Variants in NSD1 observed in about 807,000 individuals in gnomAD.
NSD1 encodes the protein nuclear receptor binding SET domain protein 1.
A neutral mutation model predicts 242.7 loss-of-function variants in NSD1; 26 were observed. The ratio of observed to expected loss-of-function variants is 0.11; its 90% CI spans 0.08 to 0.15. The LOEUF is 0.15. NSD1 is among the 10% of genes least tolerant of loss of function. The pLI is 1.00. For synonymous variants in NSD1, 1,106 were observed against 1,178.1 expected, an observed-to-expected ratio of 0.94 and a Z score of 1.25; for missense variants, 2,495 against 3,272.8, an observed-to-expected ratio of 0.76 and a Z score of 5.80.
intron 2 of NSD1, among the ~76,000 whole-genome samples, chr5:177,156,596 G>T (rs916721479): frequency 6.6e-6 from 1 of 152,114 alleles, no homozygotes; most frequent in Admixed American, 6.6e-5. Flanking sequence ...CAAGTGGATT[G>T]CTTGAGCCCA....
intron 5 of NSD1, among the ~76,000 whole-genome samples, chr5:177,216,867 A>G (rs1236256349): frequency 5.3e-5 from 8 of 151,428 alleles, no homozygotes; most frequent in Admixed American, 4.6e-4. Flanking sequence ...TTACATGTCT[A>G]TATTTTTATG....
intron 2 of NSD1, among the ~76,000 whole-genome samples, chr5:177,164,849 A>C (rs985935335): frequency 2.6e-5 from 4 of 151,940 alleles, no homozygotes; most frequent in Non-Finnish European, 5.9e-5. Flanking sequence ...AAGCTGAGGC[A>C]GGAGAATCGC....
intron 22 of NSD1, 29 bp from the exon 23 acceptor site, chr5:177,293,803 A>G: frequency 6.2e-7 from 1 of 1,612,552 alleles, no homozygotes; most frequent in Non-Finnish European, 8.5e-7. Context: ...CTTTTTTCCT[A>G]AACTTTTGAT....
chr5:177,211,173 A>G lies in NSD1; in HGVS notation c.2774A>G (p.Gln925Arg). ...KDMHDSKTKE[Q>R]RLMTAQNLVS... ...ATGCATGATAGTAAGACGAAGGAGC[A>G]GCGGTTGATGACTGCTCAAAACCTG... is the stretch of plus-strand genomic sequence containing the variant. Residue 925 changes from glutamine (Q) to arginine (R), a missense_variant, in exon 5 of 23, where the codon CAG (glutamine) becomes CGG (arginine). By Grantham distance (43) the Gln-to-Arg change is conservative (BLOSUM62 1). This residue lies in a region of NSD1 where 121 missense variants were observed against 167.2 expected (regional missense o/e 0.72). Coordinates refer to ENST00000439151, the MANE Select transcript of NSD1 (RefSeq NM_022455.5). 2.5e-6 allele frequency: 4 copies of G among 1,614,206 alleles called. No individual in the cohort carries two copies. Among genetic ancestry groups the G allele is most frequent in the Non-Finnish European group, 3.4e-6 (4 of 1,180,020 alleles).
rs1491474648 is a variant in NSD1, at chr5:177,300,058, C to CCCCA, written c.*4602_*4603insACCC. ...GGTCCATCATTGCTTTTTTGCCGCGCCCCCCCCCCCCCGCCCCCATAGATT... is the reference window on the plus strand; with the variant it reads ...GGTCCATCATTGCTTTTTTGCCGCGCCCCACCCCCCCCCCCCGCCCCCATAGATT... On this transcript the variant is annotated 3_prime_UTR_variant, in exon 23 of 23. Transcript: ENST00000439151. 511 of 10,574 alleles carry CCCCA rather than the reference C, an allele frequency of 0.048. 5 individuals are homozygous for CCCCA. The highest frequency in any genetic ancestry group is 0.16 in the South Asian group (69 of 430). The allele number at this position is 10,574 out of a possible 1,614,324, so 0.7% of individuals were successfully genotyped here.
intron 21 of NSD1, among the ~76,000 whole-genome samples, chr5:177,290,025 C>T (rs1759672849): frequency 6.6e-6 from 1 of 151,608 alleles, no homozygotes; most frequent in South Asian, 2.1e-4. Flanking sequence ...AACAGGGTTT[C>T]ACTGTTGTTA....
chr5:177,279,675 C>T (rs1236827366), intron 17 of NSD1, among the ~76,000 whole-genome samples: 3 of 117,364 alleles, frequency 2.6e-5, no homozygotes, highest in Non-Finnish European at 4.8e-5. Flanking sequence ...GGCTGGAGTG[C>T]AGTCACGCGA....
chr5:177,168,564 A>G (rs543125793), intron 2 of NSD1, among the ~76,000 whole-genome samples: 1 of 148,282 alleles, frequency 6.7e-6, no homozygotes, highest in South Asian at 2.1e-4. Flanking sequence ...GGTTCAAGTG[A>G]TTTCTCCTGC....
chr5:177,203,827 C>CT (rs1329133480), intron 3 of NSD1, among the ~76,000 whole-genome samples: 2 of 152,080 alleles, frequency 1.3e-5, no homozygotes, highest in Admixed American at 6.6e-5. Flanking sequence ...ACTTACCTGT[C>CT]TACTATCTTA....
chr5:177,246,910 C>T, intron 10 of NSD1, 114 bp downstream of exon 10: 1 of 785,054 alleles, frequency 1.3e-6, no homozygotes, highest in East Asian at 2.5e-5. Context: ...ACTGAAATGG[C>T]TGATGGCCAT....
intron 5 of NSD1, among the ~76,000 whole-genome samples, chr5:177,219,797 A>G (rs1764091754): frequency 2.0e-5 from 3 of 152,128 alleles, no homozygotes; most frequent in East Asian, 1.9e-4. Flanking sequence ...CCCCATCTCC[A>G]CTAAAAATAC....
chr5:177,249,424 G>A (rs1356852331), intron 11 of NSD1, among the ~76,000 whole-genome samples: 1 of 151,604 alleles, frequency 6.6e-6, no homozygotes, highest in African/African-American at 2.4e-5. Context: ...ACTTGAGGAT[G>A]TTAGTTTTTC....
intron 9 of NSD1, among the ~76,000 whole-genome samples, chr5:177,245,173 A>G (rs1193423691): frequency 2.6e-5 from 4 of 152,238 alleles, no homozygotes; most frequent in African/African-American, 7.2e-5. Context: ...GGTTGAGGCT[A>G]CAGAGAGCTG....
intron 3 of NSD1, among the ~76,000 whole-genome samples, chr5:177,193,797 C>T (rs1035547662): frequency 1.4e-4 from 22 of 151,958 alleles, no homozygotes; most frequent in Non-Finnish European, 2.4e-4. Flanking sequence ...TGTTTTGAGA[C>T]GGAATCTTGC....
At chr5:177,236,488 T>A (rs115337709) in intron 6 of NSD1, among the ~76,000 whole-genome samples, 2,772 of 152,336 alleles carry the variant, frequency 0.018, 32 homozygotes, top group Non-Finnish European at 0.028. Flanking sequence ...ACCTTTGGAT[T>A]ATTCATACCA....
At chr5:177,248,461 G>A in intron 11 of NSD1, 137 bp downstream of exon 11, 3 of 1,166,350 alleles carry the variant, frequency 2.6e-6, no homozygotes, top group Non-Finnish European at 3.7e-6. Context: ...TTTCTTTAAG[G>A]ATTTGACCCC....
rs1762653292 is a variant in NSD1 at position 177,203,561 on chromosome 5, AT to A, written c.1064-555del. Reference sequence around the variant, plus strand: ...ATCTAAAATACCAAAACCATACATTATTTTGGGGGTGTGGTTGTGGGGAGGA... The same window carrying A: ...ATCTAAAATACCAAAACCATACATTATTTGGGGGTGTGGTTGTGGGGAGGA... On this transcript the variant is annotated intron_variant, in intron 3 of 22. Coordinates refer to ENST00000439151, the MANE Select transcript of NSD1 (RefSeq NM_022455.5). 2.0e-5 allele frequency among the ~76,000 whole-genome samples: 3 copies of A among 152,246 alleles called. 1 individual carries two copies. The South Asian group carries it at 6.2e-4, about 32-fold the overall frequency.
In NSD1 at chr5:177,227,946, C is replaced by CA. The variant is rs200769471; in HGVS notation, c.3797-7861dup. Among the ~76,000 whole-genome samples, 832 of 109,384 alleles carry CA rather than the reference C, an allele frequency of 7.6e-3. 1 individual carries two copies. The highest frequency in any genetic ancestry group is 0.015 in the African/African-American group (450 of 29,274). The allele number at this position is 109,384 out of a possible 152,430, so 71.8% of individuals were successfully genotyped here. On this transcript the variant is annotated intron_variant, in intron 5 of 22. Transcript: ENST00000439151. ...CTGGACCACAAGAGAGAAACTCTCT[C>CA]AAAAAAAAAAAAAAGCAGAATTTTT...
At chr5:177,170,251 T>C (rs2431502) in intron 2 of NSD1, among the ~76,000 whole-genome samples, 116,653 of 152,080 alleles carry the variant, frequency 0.77, 46,131 homozygotes, top group East Asian at 1. Context: ...GGATTACAGG[T>C]GTGAGCCACC....
Sources: gnomAD v4.1 joint callset for allele counts (sites outside exome capture counted in the v4.1 genomes callset) on GRCh38, gnomAD v4.1.1 for gene constraint, gnomAD v4.1.1 regional missense constraint, MANE v1.5 for transcripts, NCBI Gene and HGNC (gene_info 2026-07-23, HGNC 2026-07-21) for gene names.